Variants in ZNF69 observed in about 807,000 individuals in gnomAD.
The protein encoded by ZNF69 is ZNF3.
A neutral mutation model predicts 50.9 loss-of-function variants in ZNF69; 47 were observed. The ratio of observed to expected loss-of-function variants is 0.92; its 90% CI spans 0.73 to 1.18. The LOEUF is 1.18. Among genes scored for constraint, ZNF69 ranks in the 50% most tolerant of loss-of-function variants. The pLI, the probability that ZNF69 is intolerant of heterozygous loss-of-function variation, is 0.00. For missense variants in ZNF69, 717 were observed against 675.1 expected (o/e 1.06, Z -0.69); for synonymous variants, 216 against 223.1 (o/e 0.97, Z 0.29).
At chr19:11,944,361 TTTC>T in the ZNF69 span, among the ~76,000 whole-genome samples, 8 of 152,150 alleles carry the variant, frequency 5.3e-5, 1 homozygote, top group Non-Finnish European at 1.2e-4. Context: ...TTTAATCCTG[TTTC>T]TTGACACACT....
At chr19:11,892,058 G>T (rs992035433) in intron 1 of ZNF69, among the ~76,000 whole-genome samples, 3 of 151,806 alleles carry the variant, frequency 2.0e-5, no homozygotes, top group African/African-American at 7.3e-5. Flanking sequence ...GCTTACTGCA[G>T]CCTTGACCTC....
the ZNF69 span, among the ~76,000 whole-genome samples, chr19:11,920,104 C>CTTTT: frequency 2.2e-5 from 3 of 137,232 alleles, no homozygotes; most frequent in Admixed American, 7.4e-5. Context: ...GGAACTTTTA[C>CTTTT]TTTTTTTTTT....
At chr19:11,965,042 G>C in the ZNF69 span, 1 of 796,910 alleles carries the variant, frequency 1.3e-6, no homozygotes, top group South Asian at 1.6e-5. Flanking sequence ...TCGCATTCCT[G>C]TCCTCACCTT....
At chr19:11,893,024 G>A (rs118135492) in intron 1 of ZNF69, among the ~76,000 whole-genome samples, 3,930 of 152,134 alleles carry the variant, frequency 0.026, 70 homozygotes, top group Non-Finnish European at 0.037. Context: ...TAGTAAACAC[G>A]GGGTTTTACC....
At chr19:11,901,041 C>A (rs1396321773) in intron 1 of ZNF69, among the ~76,000 whole-genome samples, 1 of 152,168 alleles carries the variant, frequency 6.6e-6, no homozygotes, top group Non-Finnish European at 1.5e-5. Context: ...TTTGCTAATT[C>A]AGGTGTTTCA....
the ZNF69 span, among the ~76,000 whole-genome samples, chr19:11,954,906 T>C: frequency 2.0e-5 from 3 of 151,932 alleles, no homozygotes; most frequent in African/African-American, 4.8e-5. Context: ...TCATTACAAT[T>C]GGAAAGATAA....
the ZNF69 span, chr19:11,964,974 T>G: frequency 0.014 from 7,225 of 506,820 alleles, 82 homozygotes; most frequent in South Asian, 0.023. Flanking sequence ...TAGCATTCCA[T>G]CCAATCAGAG....
the ZNF69 span, among the ~76,000 whole-genome samples, chr19:11,974,270 C>T: frequency 1.3e-5 from 2 of 150,600 alleles, no homozygotes; most frequent in South Asian, 2.1e-4. Context: ...GATCTCAGCT[C>T]ACTGCTGCCT....
the ZNF69 span, among the ~76,000 whole-genome samples, chr19:11,955,176 T>C: frequency 6.6e-6 from 1 of 151,840 alleles, no homozygotes; most frequent in Non-Finnish European, 1.5e-5. Context: ...GGCTAATTTT[T>C]GTATTTTTAG....
the ZNF69 span, among the ~76,000 whole-genome samples, chr19:11,919,708 AAGAG>A: frequency 1.3e-4 from 20 of 152,254 alleles, no homozygotes; most frequent in Non-Finnish European, 2.2e-4. Context: ...GATGAGTAAG[AAGAG>A]AGAGAGAACT....
At chr19:11,924,431 CAAAAA>C in the ZNF69 span, among the ~76,000 whole-genome samples, 7 of 65,210 alleles carry the variant, frequency 1.1e-4, no homozygotes, top group African/African-American at 2.8e-4. Flanking sequence ...GACTCCGTCT[CAAAAA>C]AAAAAAAAAA....
the ZNF69 span, among the ~76,000 whole-genome samples, chr19:11,933,924 C>A: frequency 6.8e-6 from 1 of 147,508 alleles, no homozygotes; most frequent in Non-Finnish European, 1.5e-5. Context: ...GATCCTCCCA[C>A]CTCAGCTTCC....
intron 1 of ZNF69, among the ~76,000 whole-genome samples, chr19:11,903,069 A>G (rs959047708): frequency 1.3e-5 from 2 of 152,036 alleles, no homozygotes; most frequent in South Asian, 2.1e-4. Flanking sequence ...CCCAGGAGTA[A>G]GAGGTTGTAG....
chr19:11,914,837 G>T (rs949562108), downstream of ZNF69, among the ~76,000 whole-genome samples: 5 of 152,208 alleles, frequency 3.3e-5, no homozygotes, highest in Admixed American at 1.3e-4. Flanking sequence ...CCCAGATAAT[G>T]TATCCACATC....
the ZNF69 span, chr19:11,948,936 G>A: frequency 1.9e-6 from 3 of 1,608,256 alleles, no homozygotes; most frequent in Non-Finnish European, 1.7e-6. Flanking sequence ...TGGGAGAGAA[G>A]CCTTATCAAT....
At chr19:11,941,929 T>C in the ZNF69 span, among the ~76,000 whole-genome samples, 2 of 152,192 alleles carry the variant, frequency 1.3e-5, no homozygotes, top group South Asian at 2.1e-4. Flanking sequence ...GCTGCATTGC[T>C]CATTACTGCC....
At chr19:11,926,959 C>T in the ZNF69 span, among the ~76,000 whole-genome samples, 1 of 152,102 alleles carries the variant, frequency 6.6e-6, no homozygotes, top group Non-Finnish European at 1.5e-5. Flanking sequence ...CTTGTATTAC[C>T]AGGAAAAGAG....
chr19:11,974,199 T>TC, the ZNF69 span, among the ~76,000 whole-genome samples: 6 of 2,902 alleles, frequency 2.1e-3, no homozygotes, highest in Non-Finnish European at 4.0e-3. Flanking sequence ...TCTTTCTCTC[T>TC]TTTTTTTTGT....
At chr19:11,963,088 A>AGAGAGAGAGTGTGTGTGTGT in the ZNF69 span, among the ~76,000 whole-genome samples, 1 of 138,248 alleles carries the variant, frequency 7.2e-6, no homozygotes, top group African/African-American at 3.0e-5. Context: ...AGAGAGAGAG[A>AGAGAGAGAGTGTGTGTGTGT]GTGTGTGTGT....
Sources: allele counts gnomAD v4.1 joint callset (sites outside exome capture counted in the v4.1 genomes callset), GRCh38; gene constraint gnomAD v4.1.1; transcripts MANE v1.5; gene names NCBI Gene and HGNC (gene_info 2026-07-23, HGNC 2026-07-21).